The following SLC8A1 variants were observed in gnomAD, a reference collection of about 807,000 sequenced individuals.
The protein encoded by SLC8A1 is solute carrier family 8 member A1.
Under a neutral mutation model 68.3 loss-of-function variants are expected in SLC8A1, and 18 were observed. That is an observed-to-expected ratio of 0.26 (90% confidence interval 0.18 to 0.39). SLC8A1 has a LOEUF of 0.39. Among genes scored for constraint, SLC8A1 ranks in the 10% least tolerant of loss-of-function variants. SLC8A1 has a pLI of 1.00. For missense variants in SLC8A1, 985 were observed against 1,156.7 expected (o/e 0.85, Z 2.15); for synonymous variants, 475 against 415.5 (o/e 1.14, Z -1.74).
intron 1 of SLC8A1, among the ~76,000 whole-genome samples, chr2:40,508,600 A>G (rs555699119): frequency 6.6e-6 from 1 of 152,314 alleles, no homozygotes; most frequent in East Asian, 1.9e-4. Context: ...GGACTATGAT[A>G]GATATCAAAT....
At chr2:40,508,259 C>G (rs1284297691) in intron 1 of SLC8A1, among the ~76,000 whole-genome samples, 1 of 151,412 alleles carries the variant, frequency 6.6e-6, no homozygotes, top group African/African-American at 2.4e-5. Flanking sequence ...GAAAATGATT[C>G]AAGACATTTC....
chr2:40,222,936 C>T (rs1236292986), intron 2 of SLC8A1, among the ~76,000 whole-genome samples: 1 of 152,120 alleles, frequency 6.6e-6, no homozygotes, highest in Non-Finnish European at 1.5e-5. Flanking sequence ...TAAATTAGTT[C>T]AACCATTGTG....
chr2:40,172,787 AAAAAATTAGCT>A (rs2148523717), intron 4 of SLC8A1, among the ~76,000 whole-genome samples: 1 of 152,098 alleles, frequency 6.6e-6, no homozygotes, highest in South Asian at 2.1e-4. Flanking sequence ...CTAAAAATAC[AAAAAATTAGCT>A]AGGCGTGGTG....
At chr2:40,309,371 C>G (rs1441469676) in intron 2 of SLC8A1, among the ~76,000 whole-genome samples, 1 of 151,348 alleles carries the variant, frequency 6.6e-6, no homozygotes, top group Non-Finnish European at 1.5e-5. Flanking sequence ...GGAAGGCGCA[C>G]AGATAAAAAG....
intron 2 of SLC8A1, among the ~76,000 whole-genome samples, chr2:40,353,163 A>T (rs991876550): frequency 2.0e-5 from 3 of 152,180 alleles, no homozygotes; most frequent in African/African-American, 7.2e-5. Context: ...CACTGGATAA[A>T]GAAATTTTTG....
rs138777865 is a variant in SLC8A1, at chr2:40,200,673, T to C, written c.1809-22818A>G. Among the ~76,000 whole-genome samples the C allele has an allele frequency of 1.3e-3, 201 of 151,818 alleles. 1 individual carries two copies. Among genetic ancestry groups the C allele is most frequent in the African/African-American group, 4.6e-3 (190 of 41,460 alleles). ...CCAACAAGCAGTCATCTTCAGGGGA[T>C]TCTAATAGTAAAAGGCCAAATGAAG... On this transcript the variant is annotated intron_variant, in intron 2 of 7. Transcript: ENST00000406785.
At chr2:40,452,353 C>G (rs1702666513), upstream of SLC8A1, among the ~76,000 whole-genome samples, 1 of 152,074 alleles carries the variant, frequency 6.6e-6, no homozygotes, top group African/African-American at 2.4e-5. Context: ...GGTGGGGAGC[C>G]CTTCCAGCCT....
exon 8 of SLC8A1, chr2:40,113,368 T>G (rs1163603125): frequency 6.5e-6 from 1 of 152,790 alleles, no homozygotes; most frequent in Non-Finnish European, 1.5e-5. Context: ...TTTTTCTCAT[T>G]AGTGGACTCA....
chr2:40,191,764 T>A (rs529178033), intron 2 of SLC8A1, among the ~76,000 whole-genome samples: 1 of 152,258 alleles, frequency 6.6e-6, no homozygotes, highest in East Asian at 1.9e-4. Context: ...GCTTTGAAAA[T>A]TTTTTTAAAT....
chr2:40,183,870 T>A (rs917843162), intron 2 of SLC8A1, among the ~76,000 whole-genome samples: 1 of 152,128 alleles, frequency 6.6e-6, no homozygotes, highest in African/African-American at 2.4e-5. Flanking sequence ...TTTAAAAAGT[T>A]TCTGGATAAG....
intron 2 of SLC8A1, among the ~76,000 whole-genome samples, chr2:40,414,410 G>A (rs1249294312): frequency 3.3e-5 from 5 of 152,164 alleles, no homozygotes; most frequent in African/African-American, 7.2e-5. Context: ...ATTGGGACCA[G>A]TACACAGTGT....
intron 7 of SLC8A1, among the ~76,000 whole-genome samples, chr2:40,121,377 A>G (rs1373992306): frequency 3.9e-5 from 6 of 152,300 alleles, no homozygotes; most frequent in African/African-American, 1.4e-4. Context: ...GGAAGCAGCT[A>G]ATCGGAAAGA....
chr2:40,438,271 A>G (rs150070265), intron 1 of SLC8A1, among the ~76,000 whole-genome samples: 6 of 152,286 alleles, frequency 3.9e-5, no homozygotes, highest in Admixed American at 3.9e-4. Context: ...GACCTTAAAC[A>G]CTGAAAAAGA....
intron 7 of SLC8A1, among the ~76,000 whole-genome samples, chr2:40,137,397 G>C (rs1437963914): frequency 6.6e-6 from 1 of 152,114 alleles, no homozygotes; most frequent in Non-Finnish European, 1.5e-5. Flanking sequence ...TGTTATAAGA[G>C]ACCTAATTTT....
chr2:40,463,297 G>A (rs1703450464), intron 1 of SLC8A1, among the ~76,000 whole-genome samples: 1 of 152,182 alleles, frequency 6.6e-6, no homozygotes. Context: ...GAACTGAAAG[G>A]TCAGAGGTTC....
chr2:40,125,180 G>T (rs1439089607), intron 7 of SLC8A1, among the ~76,000 whole-genome samples: 1 of 152,126 alleles, frequency 6.6e-6, no homozygotes, highest in Non-Finnish European at 1.5e-5. Context: ...CTTTTTCCTG[G>T]TCCTTTTGGT....
intron 6 of SLC8A1, among the ~76,000 whole-genome samples, chr2:40,159,196 A>AAACTT (rs2045202221): frequency 6.6e-6 from 1 of 152,186 alleles, no homozygotes; most frequent in South Asian, 2.1e-4. Flanking sequence ...CCTCTATGAC[A>AAACTT]AACTTATCAT....
chr2:40,310,199 A>G (rs1021686119), intron 2 of SLC8A1, among the ~76,000 whole-genome samples: 2 of 152,158 alleles, frequency 1.3e-5, no homozygotes, highest in African/African-American at 4.8e-5. Flanking sequence ...CTTTTCTTCC[A>G]GATGTATGGA....
chr2:40,232,015 A>G (rs565271300), intron 2 of SLC8A1, among the ~76,000 whole-genome samples: 1 of 152,210 alleles, frequency 6.6e-6, no homozygotes, highest in South Asian at 2.1e-4. Flanking sequence ...ATAAAATCCA[A>G]TAGAATGGGG....
Sources: allele counts gnomAD v4.1 joint callset (sites outside exome capture counted in the v4.1 genomes callset), GRCh38; gene constraint gnomAD v4.1.1; transcripts MANE v1.5; gene names NCBI Gene and HGNC (gene_info 2026-07-23, HGNC 2026-07-21).